Variants in PTPRK observed in about 807,000 individuals in gnomAD.
PTPRK encodes receptor-type tyrosine-protein phosphatase kappa.
In PTPRK, 75 loss-of-function variants were observed where a neutral mutation model predicts 178.0. The observed-to-expected ratio is 0.42, with a 90% CI of 0.35 to 0.51. PTPRK has a LOEUF of 0.51. Ranked by LOEUF, PTPRK falls within the 20% of genes least tolerant of loss-of-function variation. The probability of loss-of-function intolerance (pLI) is 0.02; values close to 1 mark genes in which losing one functional copy is unlikely to be tolerated. For synonymous variants in PTPRK, 637 were observed against 620.6 expected (o/e 1.03, Z -0.39); for missense variants, 1,441 against 1,797.8 (o/e 0.80, Z 3.59).
chr6:128,372,606 T>C (rs547391475), intron 2 of PTPRK, among the ~76,000 whole-genome samples: 1 of 152,178 alleles, frequency 6.6e-6, no homozygotes, highest in Non-Finnish European at 1.5e-5. Context: ...ATACCTGTAG[T>C]TGGTCTTTCC....
intron 6 of PTPRK, among the ~76,000 whole-genome samples, chr6:128,186,553 G>A (rs1036301321): frequency 1.3e-5 from 2 of 152,110 alleles, no homozygotes; most frequent in Admixed American, 1.3e-4. Flanking sequence ...TCAACAATAT[G>A]TAGTCAAAAT....
intron 7 of PTPRK, among the ~76,000 whole-genome samples, chr6:128,163,186 T>C (rs77067720): frequency 0.013 from 1,903 of 151,394 alleles, 119 homozygotes; most frequent in Admixed American, 0.1. Context: ...TTCTCTTGGG[T>C]AGATTTATTC....
chr6:128,189,401 G>A (rs775452519), intron 6 of PTPRK, among the ~76,000 whole-genome samples: 2 of 151,114 alleles, frequency 1.3e-5, no homozygotes, highest in Non-Finnish European at 3.0e-5. Flanking sequence ...CACCACACCC[G>A]GCTAATTTTT....
intron 1 of PTPRK, 81 bp from the exon 2 acceptor site, chr6:128,397,769 T>C (rs893906816): frequency 5.7e-5 from 77 of 1,360,824 alleles, no homozygotes; most frequent in Non-Finnish European, 7.7e-5. Context: ...AAATGTTATA[T>C]TGATATATAT....
intron 7 of PTPRK, among the ~76,000 whole-genome samples, chr6:128,151,032 G>A (rs1357358516): frequency 6.6e-6 from 1 of 151,856 alleles, no homozygotes; most frequent in African/African-American, 2.4e-5. Context: ...AAATATTAAA[G>A]GAATATAAGG....
intron 6 of PTPRK, among the ~76,000 whole-genome samples, chr6:128,193,279 T>TAAAAAAAAAAAA (rs1554338433): frequency 5.2e-5 from 1 of 19,394 alleles, no homozygotes; most frequent in Non-Finnish European, 1.1e-4. Context: ...ATCCAGCTTG[T>TAAAAAAAAAAAA]GAAAAAAAAA....
intron 3 of PTPRK, among the ~76,000 whole-genome samples, chr6:128,296,502 C>T (rs1221600148): frequency 1.3e-5 from 2 of 152,170 alleles, no homozygotes; most frequent in South Asian, 2.1e-4. Flanking sequence ...CAAAGGGAAG[C>T]CCATCAGACT....
chr6:128,089,407 C>T (rs1217027976), intron 8 of PTPRK, among the ~76,000 whole-genome samples: 1 of 152,144 alleles, frequency 6.6e-6, no homozygotes, highest in Non-Finnish European at 1.5e-5. Context: ...TATTTTTGAA[C>T]ATTTGATTTA....
intron 3 of PTPRK, among the ~76,000 whole-genome samples, chr6:128,297,432 G>C (rs1312835443): frequency 6.6e-6 from 1 of 152,052 alleles, no homozygotes; most frequent in South Asian, 2.1e-4. Flanking sequence ...ATTTTTTTCA[G>C]CACCACACCA....
chr6:128,179,893 T>C (rs1424579912), intron 7 of PTPRK, among the ~76,000 whole-genome samples: 1 of 152,068 alleles, frequency 6.6e-6, no homozygotes, highest in Admixed American at 6.6e-5. Flanking sequence ...AGAAAAAAAA[T>C]GCATTTTTAG....
intron 1 of PTPRK, among the ~76,000 whole-genome samples, chr6:128,509,960 G>A (rs1856929837): frequency 6.6e-6 from 1 of 152,180 alleles, no homozygotes; most frequent in Admixed American, 6.5e-5. Flanking sequence ...TGCTCCAACT[G>A]ACCAGGTGGT....
At chr6:128,411,074 G>A (rs1342971057) in intron 1 of PTPRK, among the ~76,000 whole-genome samples, 3 of 152,000 alleles carry the variant, frequency 2.0e-5, no homozygotes, top group Admixed American at 2.0e-4. Context: ...GTATTTTTTT[G>A]TAGAGACAGG....
intron 1 of PTPRK, among the ~76,000 whole-genome samples, chr6:128,483,072 CA>C (rs1229366869): frequency 6.6e-6 from 1 of 152,104 alleles, no homozygotes; most frequent in Admixed American, 6.6e-5. Context: ...CAGAAGCCCT[CA>C]ACAGTGTAGT....
chr6:128,515,378 CT>C (rs935284033), intron 1 of PTPRK, among the ~76,000 whole-genome samples: 51 of 148,844 alleles, frequency 3.4e-4, no homozygotes, highest in Middle Eastern at 7.0e-3. Context: ...ATGTCTTGTA[CT>C]TTTTTTTTTC....
chr6:128,508,468 T>G (rs999465685), intron 1 of PTPRK, among the ~76,000 whole-genome samples: 6 of 152,216 alleles, frequency 3.9e-5, no homozygotes, highest in Non-Finnish European at 8.8e-5. Flanking sequence ...CACACAACTT[T>G]CTATATATGA....
intron 7 of PTPRK, among the ~76,000 whole-genome samples, chr6:128,160,600 G>T (rs1798569703): frequency 6.6e-6 from 1 of 151,590 alleles, no homozygotes; most frequent in South Asian, 2.1e-4. Flanking sequence ...CATGTGCTTG[G>T]CCACATTACT....
intron 7 of PTPRK, among the ~76,000 whole-genome samples, chr6:128,113,259 A>G (rs1057125997): frequency 6.6e-6 from 1 of 152,020 alleles, no homozygotes; most frequent in Non-Finnish European, 1.5e-5. Context: ...GAATATACAT[A>G]TGTACACAGA....
At chr6:128,291,706 C>T (rs1823411255) in intron 3 of PTPRK, among the ~76,000 whole-genome samples, 1 of 152,116 alleles carries the variant, frequency 6.6e-6, no homozygotes. Flanking sequence ...TCACCTCCAT[C>T]AGTCCTTTAC....
intron 21 of PTPRK, among the ~76,000 whole-genome samples, chr6:127,987,147 T>C (rs1583520222): frequency 6.6e-6 from 1 of 152,154 alleles, no homozygotes. Flanking sequence ...ATGTATAGGG[T>C]TTGCTCTTTT....
Sources: gnomAD v4.1 joint callset for allele counts (sites outside exome capture counted in the v4.1 genomes callset) on GRCh38, gnomAD v4.1.1 for gene constraint, MANE v1.5 for transcripts, NCBI Gene and HGNC (gene_info 2026-07-23, HGNC 2026-07-21) for gene names.